Variants in PTPRN2 observed in about 807,000 individuals in gnomAD.
The protein encoded by PTPRN2 is protein tyrosine phosphatase receptor type N2, also known as receptor-type tyrosine-protein phosphatase N2.
PTPRN2 carries 74 observed loss-of-function variants against 118.8 expected under a neutral mutation model. That is an observed-to-expected ratio of 0.62 (90% CI 0.52 to 0.76). The LOEUF (loss-of-function observed/expected upper bound fraction) is 0.76. PTPRN2 is among the 30% of genes least tolerant of loss of function. The pLI is 0.00. For synonymous variants in PTPRN2, 641 were observed against 608.0 expected (o/e 1.05, Z -0.80); for missense variants, 1,481 against 1,394.4 (o/e 1.06, Z -0.99).
Position 157,544,160 on chromosome 7 carries a change from T to C in PTPRN2, c.2977-3375A>G, listed in dbSNP as rs62475357. ...AGAGGCGGAGAGAGACGGAGAGAGGTGGAGAGAGACGGAGAGAGGTGGAGA... is the reference window on the plus strand; with the variant it reads ...AGAGGCGGAGAGAGACGGAGAGAGGCGGAGAGAGACGGAGAGAGGTGGAGA... On this transcript the variant is annotated intron_variant, in intron 22 of 22. Transcript: ENST00000389418. 2.5e-4 allele frequency among the ~76,000 whole-genome samples: 35 copies of C among 139,748 alleles called. 1 individual carries two copies. The South Asian group carries it at 3.6e-3, about 14-fold the overall frequency. 91.7% of individuals were successfully genotyped at this position (139,748 alleles called of 152,430 possible).
intron 11 of PTPRN2, among the ~76,000 whole-genome samples, chr7:158,020,559 C>A (rs1806797699): frequency 1.3e-5 from 2 of 152,048 alleles, no homozygotes; most frequent in African/African-American, 4.8e-5. Flanking sequence ...AGAGGCCGGC[C>A]CGGGGTCATG....
intron 5 of PTPRN2, among the ~76,000 whole-genome samples, chr7:158,169,217 G>A (rs1438673552): frequency 6.6e-6 from 1 of 152,152 alleles, no homozygotes; most frequent in Non-Finnish European, 1.5e-5. Context: ...GTTGGGAAGT[G>A]GGTTGATAGA....
At chr7:158,309,415 G>C (rs1235480210) in intron 3 of PTPRN2, among the ~76,000 whole-genome samples, 1 of 149,988 alleles carries the variant, frequency 6.7e-6, no homozygotes, top group Non-Finnish European at 1.5e-5. Context: ...TTCAGCTTTA[G>C]GACTCAGACT....
At chr7:158,458,582 G>C (rs1563318621) in intron 2 of PTPRN2, among the ~76,000 whole-genome samples, 1 of 152,064 alleles carries the variant, frequency 6.6e-6, no homozygotes, top group Non-Finnish European at 1.5e-5. Context: ...CCGGAGCCCT[G>C]ACACCAGCAT....
intron 3 of PTPRN2, among the ~76,000 whole-genome samples, chr7:158,312,355 G>GAC (rs200795948): frequency 4.9e-5 from 7 of 142,098 alleles, no homozygotes; most frequent in African/African-American, 1.6e-4. Context: ...CTCAGGTGTA[G>GAC]ACACACACAC....
intron 11 of PTPRN2, among the ~76,000 whole-genome samples, chr7:157,967,747 A>T (rs1319585226): frequency 6.6e-6 from 1 of 152,218 alleles, no homozygotes; most frequent in Non-Finnish European, 1.5e-5. Context: ...AGGAGGGTGG[A>T]CATTGAAAAG....
chr7:158,100,439 C>T (rs1170483057), intron 10 of PTPRN2, among the ~76,000 whole-genome samples: 3 of 152,176 alleles, frequency 2.0e-5, no homozygotes, highest in Non-Finnish European at 2.9e-5. Context: ...ATTGCTGAAT[C>T]AAATGGTAGT....
At chr7:158,081,455 A>G (rs935503726) in intron 10 of PTPRN2, 78 bp from the exon 11 acceptor site, 5 of 1,414,924 alleles carry the variant, frequency 3.5e-6, no homozygotes, top group Non-Finnish European at 5.0e-6. Context: ...CATGGAAAAC[A>G]CTGGTGTGTT....
chr7:157,927,771 G>C (rs1027543533), intron 11 of PTPRN2, among the ~76,000 whole-genome samples: 1 of 152,056 alleles, frequency 6.6e-6, no homozygotes, highest in African/African-American at 2.4e-5. Flanking sequence ...GCAGGAGTCA[G>C]CATTTTCCAT....
At chr7:157,885,073 T>G (rs927026746) in intron 12 of PTPRN2, among the ~76,000 whole-genome samples, 1 of 152,108 alleles carries the variant, frequency 6.6e-6, no homozygotes, top group Non-Finnish European at 1.5e-5. Flanking sequence ...TCGTAGGAAC[T>G]CAGAAGAACA....
chr7:157,940,246 A>G (rs551879050), intron 11 of PTPRN2, among the ~76,000 whole-genome samples: 84 of 152,284 alleles, frequency 5.5e-4, no homozygotes, highest in South Asian at 1.2e-3. Flanking sequence ...CTGAAGCCTC[A>G]GTGCAGATTC....
intron 3 of PTPRN2, among the ~76,000 whole-genome samples, chr7:158,218,093 C>T (rs1325294419): frequency 1.3e-5 from 2 of 151,982 alleles, no homozygotes; most frequent in Non-Finnish European, 2.9e-5. Context: ...TTCAGAAAAC[C>T]CCTGTGAGAT....
At chr7:157,937,562 C>T (rs1174234622) in intron 11 of PTPRN2, among the ~76,000 whole-genome samples, 5 of 152,170 alleles carry the variant, frequency 3.3e-5, no homozygotes, top group Non-Finnish European at 5.9e-5. Flanking sequence ...ATAGCGCTCC[C>T]GAGTGCGGCC....
At chr7:158,149,615 C>T (rs891781115) in intron 6 of PTPRN2, among the ~76,000 whole-genome samples, 2 of 152,136 alleles carry the variant, frequency 1.3e-5, no homozygotes, top group Admixed American at 1.3e-4. Context: ...CCAGCCTGGC[C>T]AACATGGTGG....
intron 1 of PTPRN2, among the ~76,000 whole-genome samples, chr7:158,550,451 G>A (rs1826573306): frequency 6.6e-6 from 1 of 152,244 alleles, no homozygotes; most frequent in South Asian, 2.1e-4. Flanking sequence ...CAGTTCAGGT[G>A]CCTCCCCTAA....
At chr7:158,337,650 C>G (rs1805936000) in intron 2 of PTPRN2, among the ~76,000 whole-genome samples, 1 of 149,710 alleles carries the variant, frequency 6.7e-6, no homozygotes, top group African/African-American at 2.5e-5. Context: ...CACACCCACA[C>G]TCTCACCATA....
chr7:158,270,071 A>C (rs1798208135), intron 3 of PTPRN2, among the ~76,000 whole-genome samples: 1 of 152,222 alleles, frequency 6.6e-6, no homozygotes, highest in Non-Finnish European at 1.5e-5. Flanking sequence ...ATGTGCCCCA[A>C]CCAGAGCTTT....
chr7:157,589,817 C>A (rs1800884355), intron 17 of PTPRN2, among the ~76,000 whole-genome samples: 1 of 152,218 alleles, frequency 6.6e-6, no homozygotes, highest in African/African-American at 2.4e-5. Context: ...GTTTTACGCA[C>A]CACCAAGTCC....
chr7:158,129,512 T>C (rs1361518237), intron 9 of PTPRN2, among the ~76,000 whole-genome samples: 1 of 136,058 alleles, frequency 7.3e-6, no homozygotes, highest in Non-Finnish European at 1.6e-5. Flanking sequence ...TGCAACATAC[T>C]ACACACCACA....
Sources: allele counts gnomAD v4.1 joint callset (sites outside exome capture counted in the v4.1 genomes callset), GRCh38; gene constraint gnomAD v4.1.1; transcripts MANE v1.5; gene names NCBI Gene and HGNC (gene_info 2026-07-23, HGNC 2026-07-21).